The following ATPSCKMT variants were observed in gnomAD, a reference collection of about 807,000 sequenced individuals.
The protein encoded by ATPSCKMT is ATP synthase subunit C lysine N-methyltransferase.
Under a neutral mutation model 24.3 loss-of-function variants are expected in ATPSCKMT, and 24 were observed. That is an observed-to-expected ratio of 0.99 (90% CI 0.71 to 1.39). ATPSCKMT has a LOEUF of 1.39. ATPSCKMT is among the 40% of genes most tolerant of loss of function. The pLI is 0.00. For synonymous variants in ATPSCKMT, 95 were observed against 110.5 expected (o/e 0.86, Z 0.88); for missense variants, 311 against 298.4 (o/e 1.04, Z -0.31).
intron 4 of ATPSCKMT, among the ~76,000 whole-genome samples, chr5:10,228,412 C>T (rs1300861343): frequency 1.3e-5 from 2 of 152,056 alleles, no homozygotes; most frequent in African/African-American, 4.8e-5. Flanking sequence ...CTAACTTATA[C>T]CACCGTTGTA....
chr5:10,227,209 C>A lies in ATPSCKMT; in HGVS notation c.*232G>T. 1 of 517,330 alleles carries A rather than the reference C, an allele frequency of 1.9e-6. No individual in the cohort carries two copies. Among genetic ancestry groups the A allele is most frequent in the Non-Finnish European group, 3.5e-6 (1 of 288,320 alleles). 32.0% of individuals were successfully genotyped at this position (517,330 alleles called of 1,614,324 possible). A position where few individuals can be genotyped will look rare whatever the true frequency, so the allele number is the denominator to read the frequency against. The stretch of plus-strand genomic sequence containing the variant: ...ACCATCACTTATTCATCTTTTCATG[C>A]ATCCAGGTGCATGGAAAGGCAGTAA... On this transcript the variant is annotated 3_prime_UTR_variant, in exon 5 of 5. Transcript: ENST00000511437.
intron 1 of ATPSCKMT, chr5:10,248,310 G>C (rs1745043530): frequency 6.6e-6 from 1 of 152,170 alleles, no homozygotes; most frequent in Admixed American, 6.5e-5. Context: ...CCAGTGTTTT[G>C]ACAGGGAATC....
chr5:10,234,465 A>C (rs1396295304), intron 4 of ATPSCKMT, among the ~76,000 whole-genome samples: 1 of 152,266 alleles, frequency 6.6e-6, no homozygotes, highest in Non-Finnish European at 1.5e-5. Flanking sequence ...TTTGGGTATT[A>C]ATTAAAAAAC....
At chr5:10,246,163 C>T (rs1344370712) in intron 1 of ATPSCKMT, among the ~76,000 whole-genome samples, 1 of 152,038 alleles carries the variant, frequency 6.6e-6, no homozygotes, top group Admixed American at 6.5e-5. Flanking sequence ...GGCACAGTGG[C>T]TCACGCCTGC....
At position 10,225,997 on chromosome 5, in the gene ATPSCKMT, TAAG is replaced by T. The variant is rs961919649; in HGVS notation, c.*1441_*1443del. ...CACCACAGAAAGAACTCATTCTTCATAAGAAGACTGGAGCTACTGAAAAAGGGA... is the reference window on the plus strand; with the variant it reads ...CACCACAGAAAGAACTCATTCTTCATAAGACTGGAGCTACTGAAAAAGGGA... On this transcript the variant is annotated 3_prime_UTR_variant, in exon 5 of 5. Transcript: ENST00000511437. Among the ~76,000 whole-genome samples the T allele has an allele frequency of 3.3e-5, 5 of 152,146 alleles. No homozygotes were observed. Among genetic ancestry groups the T allele is most frequent in the African/African-American group, 7.2e-5 (3 of 41,410 alleles).
intron 4 of ATPSCKMT, among the ~76,000 whole-genome samples, chr5:10,232,692 G>A (rs762772889): frequency 3.0e-4 from 46 of 152,226 alleles, no homozygotes; most frequent in Non-Finnish European, 3.2e-4. Context: ...CAGCAATGGC[G>A]AGGTCCAGGG....
At chr5:10,234,182 G>C (rs979550761) in intron 4 of ATPSCKMT, among the ~76,000 whole-genome samples, 2 of 152,072 alleles carry the variant, frequency 1.3e-5, no homozygotes, top group African/African-American at 4.8e-5. Context: ...ATAAAAATTA[G>C]CTGGGCGTGG....
Position 10,232,278 on chromosome 5 carries a change from T to C in ATPSCKMT, c.495+2933A>G, listed in dbSNP as rs150994906. On this transcript the variant is annotated intron_variant, in intron 4 of 4. Coordinates refer to ENST00000511437, the MANE Select transcript of ATPSCKMT (RefSeq NM_199133.4). The stretch of plus-strand genomic sequence containing the variant: ...CATTCTTTGAAGTTATGAAAGTAGA[T>C]AGCTTTCTGGGAAAAGTATAAATAA... Among the ~76,000 whole-genome samples, 431 of 152,342 alleles carry C rather than the reference T, an allele frequency of 2.8e-3. 4 individuals carry two copies. The highest frequency in any genetic ancestry group is 8.9e-3 in the African/African-American group (371 of 41,578).
rs143833013 is a variant in ATPSCKMT at position 10,246,850 on chromosome 5, T to C, written c.16+3008A>G. On this transcript the variant is annotated intron_variant, in intron 1 of 4. Transcript: ENST00000511437. ...ACAGGGCTGGTTGTGAGAAATGCTA[T>C]AACACAAACAAAACGCTACAGGCAT... 3.5e-3 allele frequency among the ~76,000 whole-genome samples: 538 copies of C among 152,302 alleles called. 6 individuals carry two copies. The highest frequency in any genetic ancestry group is 0.012 in the African/African-American group (507 of 41,542).
chr5:10,225,887 T>A lies in ATPSCKMT; in HGVS notation c.*1554A>T, dbSNP rs1579414410. 6.6e-6 allele frequency among the ~76,000 whole-genome samples: 1 copy of A among 151,976 alleles called. No individual in the cohort carries two copies. The highest frequency in any genetic ancestry group is 1.9e-4 in the East Asian group (1 of 5,158). ...GAGCTACCATGGATCCCCCTCCGAG[T>A]GTGCCCAGACCAGTTACAGGACTGG... On this transcript the variant is annotated 3_prime_UTR_variant, in exon 5 of 5. Coordinates refer to ENST00000511437, the MANE Select transcript of ATPSCKMT (RefSeq NM_199133.4).
At chr5:10,244,978 T>A (rs1247475018) in intron 1 of ATPSCKMT, among the ~76,000 whole-genome samples, 2 of 152,136 alleles carry the variant, frequency 1.3e-5, no homozygotes, top group Admixed American at 1.3e-4. Flanking sequence ...AAAATTATCT[T>A]GTGGACATTC....
chr5:10,246,650 C>T (rs2578620), intron 1 of ATPSCKMT, among the ~76,000 whole-genome samples: 111,025 of 152,136 alleles, frequency 0.73, 42,942 homozygotes, highest in East Asian at 0.86. Flanking sequence ...TTTTTGCTTA[C>T]GCATTTGTTC....
chr5:10,236,854 G>T, intron 2 of ATPSCKMT: 1 of 1,465,562 alleles, frequency 6.8e-7, no homozygotes, highest in Non-Finnish European at 9.1e-7. Flanking sequence ...TATCAGAATA[G>T]ACATTCAGGT....
At position 10,235,216 on chromosome 5, in the gene ATPSCKMT, G is replaced by C. The variant is rs1561028311; in HGVS notation, c.490C>G (p.Gln164Glu). ...YSNVVIFGVP[Q>E]MMLQLEKKLE... ...GCAGGAAAGTGCATACTCACCATCT[G>C]AGGCACACCGAAAATAACAACGTTC... is the stretch of plus-strand genomic sequence containing the variant. The change falls in exon 4 of 5, where the codon CAG (glutamine) becomes GAG (glutamate). Residue 164 changes from glutamine (Q) to glutamate (E), a missense_variant. By Grantham distance (29) the Gln-to-Glu change is conservative (BLOSUM62 2). Coordinates refer to ENST00000511437, the MANE Select transcript of ATPSCKMT (RefSeq NM_199133.4). 4.3e-6 allele frequency: 7 copies of C among 1,613,788 alleles called. No homozygotes were observed. The highest frequency in any genetic ancestry group is 5.9e-6 in the Non-Finnish European group (7 of 1,179,750).
intron 1 of ATPSCKMT, among the ~76,000 whole-genome samples, chr5:10,241,957 C>T (rs1744663838): frequency 6.6e-6 from 1 of 152,082 alleles, no homozygotes; most frequent in Non-Finnish European, 1.5e-5. Flanking sequence ...GATTTATCTT[C>T]GAAAAATTTT....
intron 4 of ATPSCKMT, among the ~76,000 whole-genome samples, chr5:10,227,884 T>C (rs962323966): frequency 6.6e-6 from 1 of 152,270 alleles, no homozygotes; most frequent in African/African-American, 2.4e-5. Context: ...TTTTAGCAGA[T>C]GTCTATCATA....
At chr5:10,249,661 CA>C in intron 1 of ATPSCKMT, 196 bp downstream of exon 1, 1 of 842,018 alleles carries the variant, frequency 1.2e-6, no homozygotes, top group Non-Finnish European at 1.8e-6. Flanking sequence ...CGCCCGCCGA[CA>C]AGGATCGCCA....
rs112217871 is a variant in ATPSCKMT, at chr5:10,230,724, C to T, written c.496-3077G>A. 3.6e-3 allele frequency among the ~76,000 whole-genome samples: 549 copies of T among 152,138 alleles called. 9 individuals carry two copies. The highest frequency in any genetic ancestry group is 1.8e-3 in the Non-Finnish European group (121 of 67,994). Reference sequence around the variant, plus strand: ...GGTATAAGATAACCCAGCCCTGCCACACACACACATCCCGCCCCCCAGGAA... The same window carrying T: ...GGTATAAGATAACCCAGCCCTGCCATACACACACATCCCGCCCCCCAGGAA... On this transcript the variant is annotated intron_variant, in intron 4 of 4. Transcript: ENST00000511437.
At chr5:10,235,162 C>T in intron 4 of ATPSCKMT, 49 bp downstream of exon 4, 2 of 1,593,072 alleles carry the variant, frequency 1.3e-6, no homozygotes, top group Middle Eastern at 1.7e-4. Flanking sequence ...CTGGAAGGGC[C>T]TTCAACATCA....
Sources: gnomAD v4.1 joint callset for allele counts (sites outside exome capture counted in the v4.1 genomes callset) on GRCh38, gnomAD v4.1.1 for gene constraint, MANE v1.5 for transcripts, NCBI Gene and HGNC (gene_info 2026-07-23, HGNC 2026-07-21) for gene names.